KANSL1L: variants seen among roughly 807,000 people sequenced by gnomAD.
The protein encoded by KANSL1L is KAT8 regulatory NSL complex subunit 1 like, also known as KAT8 regulatory NSL complex subunit 1-like protein.
KANSL1L carries 25 observed loss-of-function variants against 108.6 expected under a neutral mutation model. The observed-to-expected ratio is 0.23, with a 90% CI of 0.17 to 0.32. The LOEUF (loss-of-function observed/expected upper bound fraction) is 0.32, where lower values mean the gene tolerates loss of function less well. Ranked by LOEUF, KANSL1L falls within the 10% of genes least tolerant of loss-of-function variation. KANSL1L has a pLI of 1.00. For synonymous variants in KANSL1L, 405 were observed against 395.1 expected, an observed-to-expected ratio of 1.03 and a Z score of -0.30; for missense variants, 1,137 against 1,125.7, an observed-to-expected ratio of 1.01 and a Z score of -0.14.
intron 5 of KANSL1L, among the ~76,000 whole-genome samples, chr2:210,083,672 C>G (rs1269371810): frequency 2.6e-5 from 4 of 151,360 alleles, no homozygotes; most frequent in African/African-American, 7.3e-5. Context: ...ACTAAACATA[C>G]AAAAAAATTA....
chr2:210,111,197 A>G (rs923143320), intron 3 of KANSL1L, among the ~76,000 whole-genome samples: 3 of 152,158 alleles, frequency 2.0e-5, no homozygotes, highest in Non-Finnish European at 4.4e-5. Context: ...ATGAATATAT[A>G]TAGCAGCATT....
chr2:210,043,958 A>G lies in KANSL1L; in HGVS notation c.1902T>C (p.Ser634=). ...GCTTACCTGATGGCAATGATAGAAC[A>G]GAATGGAAAGAGGAATCTAACTCTG... ...HVSELDSSFH[S]VLSLPSDVPL... Residue 634 remains serine, a synonymous_variant, in exon 7 of 15, where the codon TCT becomes TCC. Transcript: ENST00000281772. 6.3e-7 allele frequency: 1 copy of G among 1,597,572 alleles called. No individual in the cohort carries two copies. The highest frequency in any genetic ancestry group is 8.5e-7 in the Non-Finnish European group (1 of 1,172,284).
intron 2 of KANSL1L, among the ~76,000 whole-genome samples, chr2:210,140,434 G>A (rs1427862864): frequency 4.6e-5 from 7 of 152,148 alleles, no homozygotes; most frequent in South Asian, 2.1e-4. Flanking sequence ...TTGTGTGCCC[G>A]TGGCATCTTT....
intron 3 of KANSL1L, among the ~76,000 whole-genome samples, chr2:210,128,477 T>C (rs1188204152): frequency 6.6e-6 from 1 of 152,180 alleles, no homozygotes; most frequent in East Asian, 1.9e-4. Context: ...TTGAGAACAT[T>C]ATGCTAGTGA....
chr2:210,049,968 T>C (rs1447103074), intron 6 of KANSL1L, among the ~76,000 whole-genome samples: 5 of 152,194 alleles, frequency 3.3e-5, no homozygotes, highest in Non-Finnish European at 5.9e-5. Context: ...GTTTGTTGCA[T>C]GGTGGTATAT....
At chr2:210,031,365 A>C in intron 9 of KANSL1L, 56 bp downstream of exon 9, 3 of 1,290,252 alleles carry the variant, frequency 2.3e-6, no homozygotes, top group Non-Finnish European at 3.3e-6. Flanking sequence ...TTTTAAAATC[A>C]GAATTTTTAA....
intron 6 of KANSL1L, among the ~76,000 whole-genome samples, chr2:210,045,060 G>A (rs1313907272): frequency 6.6e-6 from 1 of 152,138 alleles, no homozygotes; most frequent in Non-Finnish European, 1.5e-5. Context: ...GTGAGTCACT[G>A]CACCTGGCCA....
chr2:210,081,494 T>C (rs2094589626), intron 5 of KANSL1L, among the ~76,000 whole-genome samples: 1 of 152,230 alleles, frequency 6.6e-6, no homozygotes, highest in African/African-American at 2.4e-5. Flanking sequence ...GCACTCACTG[T>C]TCACCTCTCC....
chr2:210,142,818 C>T (rs2095239951), intron 2 of KANSL1L, among the ~76,000 whole-genome samples: 1 of 152,074 alleles, frequency 6.6e-6, no homozygotes, highest in African/African-American at 2.4e-5. Context: ...GGAAAAAATA[C>T]TTGATATGAT....
At chr2:210,165,587 C>A (rs1193671848) in intron 1 of KANSL1L, among the ~76,000 whole-genome samples, 1 of 152,052 alleles carries the variant, frequency 6.6e-6, no homozygotes, top group Non-Finnish European at 1.5e-5. Context: ...AGAACAATCA[C>A]TGTGAATTAA....
At chr2:210,079,612 G>GTATATATATATATATA (rs60144283) in intron 5 of KANSL1L, among the ~76,000 whole-genome samples, 1 of 65,666 alleles carries the variant, frequency 1.5e-5, no homozygotes, top group Non-Finnish European at 2.6e-5. Flanking sequence ...ATATGTATGT[G>GTATATATATATATATA]TATATATATA....
intron 3 of KANSL1L, among the ~76,000 whole-genome samples, chr2:210,127,225 A>C (rs1187250711): frequency 2.0e-5 from 3 of 152,190 alleles, no homozygotes; most frequent in Non-Finnish European, 4.4e-5. Context: ...TCAACCAGGT[A>C]AAACTGAATA....
At position 210,154,289 on chromosome 2, in the gene KANSL1L, T is replaced by A. The variant is rs995792667; in HGVS notation, c.294A>T (p.Gln98His). 3 of 1,613,268 alleles carry A rather than the reference T, an allele frequency of 1.9e-6. No individual in the cohort carries two copies. In the East Asian group the frequency reaches 6.7e-5, roughly 36 times the overall value. The change falls in exon 2 of 15, where the codon CAA (glutamine) becomes CAT (histidine). Residue 98 changes from glutamine to histidine, a missense_variant. Coordinates refer to ENST00000281772, the MANE Select transcript of KANSL1L (RefSeq NM_152519.4). ...TLNKHNENYK[Q>H]KKLGEPSCNK... ...TGCAACTGGGCTCCCCTAATTTCTT[T>A]TGTTTATAATTCTCATTGTGTTTAT... is the stretch of plus-strand genomic sequence containing the variant.
At chr2:210,151,156 C>T (rs1381048114) in intron 2 of KANSL1L, among the ~76,000 whole-genome samples, 2 of 152,080 alleles carry the variant, frequency 1.3e-5, no homozygotes, top group Non-Finnish European at 2.9e-5. Context: ...GCTGGGACTA[C>T]AGGTGCACAC....
intron 5 of KANSL1L, among the ~76,000 whole-genome samples, chr2:210,096,146 A>G (rs528653821): frequency 6.6e-6 from 1 of 152,300 alleles, no homozygotes; most frequent in South Asian, 2.1e-4. Flanking sequence ...GCTGATTCCA[A>G]CAAAAACCTT....
chr2:210,081,424 T>C (rs889603171), intron 5 of KANSL1L, among the ~76,000 whole-genome samples: 2 of 152,226 alleles, frequency 1.3e-5, no homozygotes, highest in Admixed American at 6.5e-5. Context: ...GGAAGTTTTC[T>C]AGCTCCTGCA....
chr2:210,097,444 A>G (rs1000656902), intron 5 of KANSL1L: 24 of 282,014 alleles, frequency 8.5e-5, no homozygotes, highest in Non-Finnish European at 1.2e-4. Context: ...CACACATAAA[A>G]TGATATTCTA....
intron 5 of KANSL1L, among the ~76,000 whole-genome samples, chr2:210,080,074 C>A (rs1203624061): frequency 6.6e-6 from 1 of 151,228 alleles, no homozygotes; most frequent in Non-Finnish European, 1.5e-5. Flanking sequence ...CCCTTCTATA[C>A]CAATTATTTG....
intron 2 of KANSL1L, among the ~76,000 whole-genome samples, chr2:210,138,930 C>T (rs933574324): frequency 1.3e-5 from 2 of 151,922 alleles, no homozygotes; most frequent in African/African-American, 4.8e-5. Flanking sequence ...GAAACCCCGC[C>T]TCTACTAAAA....
Sources: allele counts gnomAD v4.1 joint callset (sites outside exome capture counted in the v4.1 genomes callset), GRCh38; gene constraint gnomAD v4.1.1; transcripts MANE v1.5; gene names NCBI Gene and HGNC (gene_info 2026-07-23, HGNC 2026-07-21).